Variants in S100PBP observed in about 807,000 individuals in gnomAD.
S100PBP encodes S100P-binding protein.
A neutral mutation model predicts 39.9 loss-of-function variants in S100PBP; 15 were observed. The observed-to-expected ratio is 0.38, with a 90% CI of 0.25 to 0.58. The LOEUF (loss-of-function observed/expected upper bound fraction) is 0.58, where lower values mean the gene tolerates loss of function less well. Among genes scored for constraint, S100PBP ranks in the 20% least tolerant of loss-of-function variants. The pLI, the probability that S100PBP is intolerant of heterozygous loss-of-function variation, is 0.70. For synonymous variants in S100PBP, 178 were observed against 180.3 expected (o/e 0.99, Z 0.10); for missense variants, 504 against 487.3 (o/e 1.03, Z -0.32).
chr1:32,818,546 C>G (rs1162854093), intron 1 of S100PBP: 2 of 152,322 alleles, frequency 1.3e-5, no homozygotes. Context: ...TCTACCAGAC[C>G]TGCCTGAAGT....
At chr1:32,842,022 C>CA (rs973918726) in intron 5 of S100PBP, among the ~76,000 whole-genome samples, 8 of 147,708 alleles carry the variant, frequency 5.4e-5, no homozygotes, top group South Asian at 2.1e-4. Flanking sequence ...TTGCCTCTAC[C>CA]AAAAAAAAAT....
chr1:32,830,577 T>C (rs1639551235), intron 5 of S100PBP, among the ~76,000 whole-genome samples: 1 of 152,230 alleles, frequency 6.6e-6, no homozygotes, highest in Non-Finnish European at 1.5e-5. Context: ...TTAGAAGATA[T>C]TGCAAACCAA....
At chr1:32,817,035 G>T, upstream of S100PBP, 1 of 963,588 alleles carries the variant, frequency 1.0e-6, no homozygotes, top group South Asian at 1.3e-5. Context: ...TTGATTGACT[G>T]ACCGACCAGC....
At chr1:32,834,171 T>G (rs560345374) in intron 5 of S100PBP, 166 of 174,368 alleles carry the variant, frequency 9.5e-4, no homozygotes, top group Non-Finnish European at 1.4e-5. Flanking sequence ...TTTTAACATA[T>G]TTTGTTTTAA....
upstream of S100PBP, chr1:32,817,301 CACCGTCGCCGCCGCGTGCCGGGA>C: frequency 6.2e-7 from 1 of 1,605,208 alleles, no homozygotes; most frequent in Non-Finnish European, 8.5e-7. Context: ...CTTCCTGGGT[CACCGTCGCCGCCGCGTGCCGGGA>C]ACTGTCACGC....
chr1:32,823,476 G>T (rs1639178937), intron 1 of S100PBP, among the ~76,000 whole-genome samples: 1 of 152,126 alleles, frequency 6.6e-6, no homozygotes, highest in Non-Finnish European at 1.5e-5. Flanking sequence ...GCAGCTCTAG[G>T]TTTAAATACA....
intron 1 of S100PBP, among the ~76,000 whole-genome samples, chr1:32,823,825 T>C (rs1316063863): frequency 1.3e-5 from 2 of 152,224 alleles, no homozygotes; most frequent in Non-Finnish European, 2.9e-5. Context: ...AGCTATACCT[T>C]GATTTGTTGG....
intron 4 of S100PBP, among the ~76,000 whole-genome samples, chr1:32,828,530 G>A (rs535719229): frequency 1.5e-4 from 23 of 152,116 alleles, no homozygotes; most frequent in South Asian, 1.5e-3. Flanking sequence ...GCAAATTTGC[G>A]TCATCTTTTC....
At chr1:32,823,774 A>C (rs1639189988) in intron 1 of S100PBP, among the ~76,000 whole-genome samples, 1 of 152,222 alleles carries the variant, frequency 6.6e-6, no homozygotes, top group Admixed American at 6.5e-5. Context: ...AAGATTATAC[A>C]TTAAGATTAT....
intron 3 of S100PBP, 89 bp downstream of exon 3, chr1:32,827,019 C>G (rs1639362568): frequency 1.4e-5 from 12 of 842,858 alleles, no homozygotes; most frequent in South Asian, 1.8e-5. Context: ...GCTATCTCCA[C>G]ACATACACAA....
chr1:32,837,159 A>G (rs1378071577), intron 5 of S100PBP: 1 of 146,158 alleles, frequency 6.8e-6, no homozygotes, highest in Non-Finnish European at 1.5e-5. Context: ...CTCCATCTCA[A>G]AAAAAAAAAA....
intron 5 of S100PBP, chr1:32,835,081 A>C (rs1213472683): frequency 2.0e-5 from 3 of 152,228 alleles, no homozygotes; most frequent in Non-Finnish European, 2.9e-5. Context: ...CAGAAGTTGT[A>C]GTGAGCGAAG....
intron 4 of S100PBP, among the ~76,000 whole-genome samples, chr1:32,828,581 A>G (rs893510120): frequency 2.6e-5 from 4 of 152,178 alleles, no homozygotes; most frequent in African/African-American, 9.7e-5. Flanking sequence ...GTATCTTTAC[A>G]TGGTCCTTTT....
In S100PBP at chr1:32,817,702, A is replaced by C. The variant is rs750496801; in HGVS notation, c.-120+13A>C. 78 of 214,030 alleles carry C rather than the reference A, an allele frequency of 3.6e-4. No individual in the cohort carries two copies. The highest frequency in any genetic ancestry group is 6.2e-4 in the Non-Finnish European group (64 of 103,198). The allele number at this position is 214,030 out of a possible 1,614,324, so 13.3% of individuals were successfully genotyped here. The stretch of plus-strand genomic sequence containing the variant: ...CCGGCTTCCGGAGGTGAAGAGCGGG[A>C]GGGACGAGGGGGTCGGCGTTACCCG... On this transcript the variant is annotated intron_variant, in intron 1 of 6. Coordinates refer to ENST00000373475, the MANE Select transcript of S100PBP (RefSeq NM_022753.4).
intron 5 of S100PBP, among the ~76,000 whole-genome samples, chr1:32,833,132 T>G (rs1328767260): frequency 1.3e-5 from 2 of 152,146 alleles, no homozygotes; most frequent in Non-Finnish European, 2.9e-5. Flanking sequence ...AACACATAAG[T>G]CTGTTCTATA....
At chr1:32,818,433 T>A (rs910291508) in intron 1 of S100PBP, 1 of 152,352 alleles carries the variant, frequency 6.6e-6, no homozygotes, top group African/African-American at 2.4e-5. Context: ...AAAGCAGTTA[T>A]TACCTCAGTG....
At chr1:32,845,246 G>T (rs972947481) in intron 5 of S100PBP, among the ~76,000 whole-genome samples, 11 of 152,164 alleles carry the variant, frequency 7.2e-5, no homozygotes, top group African/African-American at 2.2e-4. Flanking sequence ...TGTTAGCCAG[G>T]ATGGTCTCGA....
chr1:32,840,963 G>A (rs957991258), intron 5 of S100PBP, among the ~76,000 whole-genome samples: 18 of 151,364 alleles, frequency 1.2e-4, no homozygotes, highest in African/African-American at 3.9e-4. Flanking sequence ...GATTGAGGCC[G>A]TCCTGGCTAA....
chr1:32,842,234 TATACAC>T (rs1312280705), intron 5 of S100PBP, among the ~76,000 whole-genome samples: 3,563 of 91,820 alleles, frequency 0.039, 192 homozygotes, highest in African/African-American at 0.15. Context: ...TATATATATA[TATACAC>T]ACACACACAC....
Sources: gnomAD v4.1 joint callset for allele counts (sites outside exome capture counted in the v4.1 genomes callset) on GRCh38, gnomAD v4.1.1 for gene constraint, MANE v1.5 for transcripts, NCBI Gene and HGNC (gene_info 2026-07-23, HGNC 2026-07-21) for gene names.